The following STK31 variants were observed in gnomAD, a reference collection of about 807,000 sequenced individuals.
The protein encoded by STK31 is serine/threonine kinase 31, also known as serine/threonine-protein kinase 31.
A neutral mutation model predicts 129.7 loss-of-function variants in STK31; 89 were observed. The observed-to-expected ratio is 0.69, with a 90% confidence interval of 0.58 to 0.82. The LOEUF is 0.82. Among genes scored for constraint, STK31 ranks in the 40% least tolerant of loss-of-function variants. STK31 has a pLI of 0.00. For missense variants in STK31, 1,187 were observed against 1,176.4 expected (o/e 1.01, Z -0.13); for synonymous variants, 448 against 395.3 (o/e 1.13, Z -1.58).
At chr7:23,827,115 C>G (rs917010483) in intron 23 of STK31, among the ~76,000 whole-genome samples, 1 of 152,138 alleles carries the variant, frequency 6.6e-6, no homozygotes, top group Admixed American at 6.5e-5. Context: ...GTGGCATTCT[C>G]TGTATTTCCT....
chr7:23,742,827 G>C (rs1037992883), intron 8 of STK31, among the ~76,000 whole-genome samples: 5 of 151,902 alleles, frequency 3.3e-5, no homozygotes, highest in African/African-American at 9.7e-5. Flanking sequence ...TATCTAGTTG[G>C]CCATCTTGAT....
intron 22 of STK31, among the ~76,000 whole-genome samples, chr7:23,808,452 A>G (rs898289901): frequency 6.6e-6 from 1 of 151,970 alleles, no homozygotes; most frequent in East Asian, 1.9e-4. Flanking sequence ...GTGAGAGTGG[A>G]AGTTTTACTC....
At chr7:23,721,506 C>T (rs902123137) in intron 4 of STK31, 7 of 1,013,262 alleles carry the variant, frequency 6.9e-6, no homozygotes. Flanking sequence ...TGATTACCCA[C>T]AAATATGTAT....
intron 11 of STK31, 135 bp from the exon 12 acceptor site, chr7:23,768,860 T>A: frequency 1.4e-6 from 1 of 719,560 alleles, no homozygotes; most frequent in Non-Finnish European, 2.1e-6. Flanking sequence ...TATCTGATGA[T>A]TCTAAGTTGT....
chr7:23,817,971 C>T (rs923594384), intron 23 of STK31, among the ~76,000 whole-genome samples: 1 of 151,512 alleles, frequency 6.6e-6, no homozygotes, highest in Non-Finnish European at 1.5e-5. Flanking sequence ...TATTTTCTTA[C>T]TTTCTAATCT....
intron 22 of STK31, chr7:23,791,278 A>C: frequency 1.0e-6 from 1 of 985,310 alleles, no homozygotes; most frequent in South Asian, 4.7e-5. Context: ...TCCTGCTTCC[A>C]GTGTAGACCA....
At chr7:23,717,816 A>G (rs1786442859) in intron 4 of STK31, among the ~76,000 whole-genome samples, 1 of 152,208 alleles carries the variant, frequency 6.6e-6, no homozygotes, top group African/African-American at 2.4e-5. Context: ...ACATTAGCTA[A>G]ATAAGCCAGT....
At chr7:23,778,252 T>C (rs1056471152) in intron 15 of STK31, among the ~76,000 whole-genome samples, 4 of 152,212 alleles carry the variant, frequency 2.6e-5, no homozygotes, top group African/African-American at 9.6e-5. Context: ...AACCTTTCTC[T>C]CTGGCTTCCC....
chr7:23,760,179 C>T (rs906553811), intron 10 of STK31, among the ~76,000 whole-genome samples: 1 of 152,076 alleles, frequency 6.6e-6, no homozygotes, highest in African/African-American at 2.4e-5. Context: ...TCTTGTAAAC[C>T]ATTCCCTACA....
intron 16 of STK31, among the ~76,000 whole-genome samples, chr7:23,782,733 G>C (rs954372611): frequency 6.6e-5 from 10 of 152,178 alleles, no homozygotes; most frequent in African/African-American, 2.4e-4. Context: ...GTAGAGCTAT[G>C]TGTTTTTTCT....
rs70956924 is a variant in STK31, at chr7:23,813,078, C to CTTTTTTTTTT, written c.2761-2055_2761-2046dup. 1.5e-3 allele frequency among the ~76,000 whole-genome samples: 143 copies of CTTTTTTTTTT among 94,086 alleles called. 1 individual carries two copies. The highest frequency in any genetic ancestry group is 1.7e-3 in the African/African-American group (40 of 23,934). 61.7% of individuals were successfully genotyped at this position (94,086 alleles called of 152,430 possible). Reference sequence around the variant, plus strand: ...TCACAGGTCCTTGAGGCTCTCTGTTCTTTTTTTTTTTTTTTTTTTTGTCTG... The same window carrying CTTTTTTTTTT: ...TCACAGGTCCTTGAGGCTCTCTGTTCTTTTTTTTTTTTTTTTTTTTTTTTTTTTTTGTCTG... On this transcript the variant is annotated intron_variant, in intron 22 of 23. Transcript: ENST00000355870.
chr7:23,749,448 TC>T (rs1230221681), intron 8 of STK31, among the ~76,000 whole-genome samples: 2 of 150,708 alleles, frequency 1.3e-5, no homozygotes, highest in Non-Finnish European at 3.0e-5. Context: ...ACTCAAGTGA[TC>T]CTCCCACCTC....
Position 23,736,717 on chromosome 7 carries a change from G to A in STK31, c.843-187G>A, listed in dbSNP as rs559760064. Among the ~76,000 whole-genome samples the A allele has an allele frequency of 1.3e-5, 2 of 152,116 alleles. 1 individual carries two copies. Among genetic ancestry groups the A allele is most frequent in the South Asian group, 4.2e-4 (2 of 4,812 alleles). ...AGAATTAGAGGCATTATTGAATTAC[G>A]ACTTCAGTTATAAAATCTTGTTTGC... On this transcript the variant is annotated intron_variant, in intron 7 of 23. Transcript: ENST00000355870.
rs1015288094 is a variant in STK31, at chr7:23,762,984, T to C, written c.1416+61T>C. The C allele has an allele frequency of 1.7e-5, 23 of 1,393,834 alleles. No homozygotes were observed. The Middle Eastern group carries it at 1.3e-3, about 78-fold the overall frequency. 86.3% of individuals were successfully genotyped at this position (1,393,834 alleles called of 1,614,324 possible). A position where few individuals can be genotyped will look rare whatever the true frequency, so the allele number is the denominator to read the frequency against. On this transcript the variant is annotated intron_variant, in intron 11 of 23. Coordinates refer to ENST00000355870, the MANE Select transcript of STK31 (RefSeq NM_031414.5). ...TGTAAGTTTATTTAAGAAGTGAAAT[T>C]AGCATTTACCTTAAGACTTTAGATT...
chr7:23,823,853 GA>G (rs1354776206), intron 23 of STK31, among the ~76,000 whole-genome samples: 1 of 152,104 alleles, frequency 6.6e-6, no homozygotes, highest in African/African-American at 2.4e-5. Context: ...ATTAAATAGG[GA>G]ATCCTTTCCC....
intron 23 of STK31, among the ~76,000 whole-genome samples, chr7:23,829,559 G>T (rs912646236): frequency 6.6e-6 from 1 of 152,146 alleles, no homozygotes; most frequent in Non-Finnish European, 1.5e-5. Context: ...TTGCATCTGT[G>T]TTCATCAGGG....
At chr7:23,774,328 C>T (rs1244090487) in intron 15 of STK31, among the ~76,000 whole-genome samples, 2 of 152,132 alleles carry the variant, frequency 1.3e-5, no homozygotes, top group East Asian at 3.9e-4. Context: ...AATGGTATTT[C>T]TAGTTCTAGA....
chr7:23,783,459 C>A, intron 16 of STK31, 124 bp from the exon 17 acceptor site: 2 of 573,764 alleles, frequency 3.5e-6, no homozygotes, highest in Non-Finnish European at 2.8e-6. Flanking sequence ...AAGGCAAAAT[C>A]AGTGATTATG....
chr7:23,818,030 A>G (rs1215659817), intron 23 of STK31, among the ~76,000 whole-genome samples: 2 of 152,032 alleles, frequency 1.3e-5, no homozygotes, highest in Non-Finnish European at 2.9e-5. Flanking sequence ...TACAACATAT[A>G]TTACACAGTT....
Sources: allele counts gnomAD v4.1 joint callset (sites outside exome capture counted in the v4.1 genomes callset), GRCh38; gene constraint gnomAD v4.1.1; transcripts MANE v1.5; gene names NCBI Gene and HGNC (gene_info 2026-07-23, HGNC 2026-07-21).